The following TRPV4 variants were observed in gnomAD, a reference collection of about 807,000 sequenced individuals.
TRPV4 encodes the protein OSM9-like transient receptor potential channel 4.
In TRPV4, 58 loss-of-function variants were observed where a neutral mutation model predicts 84.1. That is an observed-to-expected ratio of 0.69 (90% CI 0.56 to 0.86). The LOEUF is 0.86. Among genes scored for constraint, TRPV4 ranks in the 40% least tolerant of loss-of-function variants. The pLI is 0.00. For missense variants in TRPV4, 879 were observed against 1,181.1 expected (o/e 0.74, Z 3.75); for synonymous variants, 489 against 500.9 (o/e 0.98, Z 0.32).
intron 7 of TRPV4, 24 bp from the exon 8 acceptor site, chr12:109,794,511 G>A (rs1427810361): frequency 1.2e-6 from 2 of 1,613,182 alleles, no homozygotes; most frequent in South Asian, 1.1e-5. Context: ...GGTGGTCGGG[G>A]GCTGCCTTCC....
intron 4 of TRPV4, 22 bp from the exon 5 acceptor site, chr12:109,800,780 C>T: frequency 6.2e-7 from 1 of 1,611,772 alleles, no homozygotes; most frequent in Non-Finnish European, 8.5e-7. Context: ...GGACGGTCAT[C>T]CAGGGTCCTG....
chr12:109,813,272 G>C, intron 2 of TRPV4, among the ~76,000 whole-genome samples: 1 of 152,176 alleles, frequency 6.6e-6, no homozygotes, highest in East Asian at 1.9e-4. Flanking sequence ...AATTAGCTGG[G>C]TGTGGTGGCG....
chr12:109,819,924 C>G (rs1475043015), intron 1 of TRPV4, among the ~76,000 whole-genome samples: 1 of 152,140 alleles, frequency 6.6e-6, no homozygotes, highest in Non-Finnish European at 1.5e-5. Flanking sequence ...GGTTTATATT[C>G]AAACTCTTCT....
Position 109,792,700 on chromosome 12 carries a change from G to A in TRPV4, c.1776C>T (p.Phe592=), listed in dbSNP as rs370454737. 2.5e-6 allele frequency: 4 copies of A among 1,614,074 alleles called. No homozygotes were observed. In the African/African-American group the frequency reaches 4.0e-5, roughly 16 times the overall value. The change falls in exon 11 of 16, where the codon TTC becomes TTT. Residue 592 remains phenylalanine, a synonymous_variant. Coordinates refer to ENST00000261740, the MANE Select transcript of TRPV4 (RefSeq NM_021625.5). The stretch of plus-strand genomic sequence containing the variant: ...TCCCCGTCAGCTTCAGCCCACGGGT[G>A]AAGTAAAGGGCATTCATCCAGCCCA... ...LVLGWMNALY[F]TRGLKLTGTY... is the part of the protein sequence containing the mutation.
intron 1 of TRPV4, among the ~76,000 whole-genome samples, chr12:109,816,845 G>A (rs548307067): frequency 8.5e-5 from 13 of 152,310 alleles, no homozygotes; most frequent in African/African-American, 2.9e-4. Flanking sequence ...TAAATAGAGT[G>A]GGACTTTCAG....
intron 1 of TRPV4, among the ~76,000 whole-genome samples, chr12:109,825,713 T>C (rs1892234393): frequency 1.3e-5 from 2 of 152,092 alleles, no homozygotes; most frequent in Admixed American, 1.3e-4. Flanking sequence ...GACAGGACAC[T>C]CGTCCATGCA....
chr12:109,794,322 C>T lies in TRPV4; in HGVS notation c.1491+7G>A. 1 of 1,611,398 alleles carries T rather than the reference C, an allele frequency of 6.2e-7. No individual in the cohort carries two copies. Among genetic ancestry groups the T allele is most frequent in the Non-Finnish European group, 8.5e-7 (1 of 1,180,002 alleles). The stretch of plus-strand genomic sequence containing the variant: ...CCCCAGCCCCTGCCCGGTCCCCGGG[C>T]ACTCACTGTGCCCTCCAGCGGCTGG... On this transcript the variant is annotated splice_region_variant and intron_variant, in intron 8 of 15. Coordinates refer to ENST00000261740, the MANE Select transcript of TRPV4 (RefSeq NM_021625.5).
At chr12:109,816,262 G>C (rs1464527618) in intron 1 of TRPV4, among the ~76,000 whole-genome samples, 2 of 152,202 alleles carry the variant, frequency 1.3e-5, no homozygotes, top group African/African-American at 4.8e-5. Flanking sequence ...CTTCCCTTTG[G>C]ACACCAAAAG....
chr12:109,808,411 G>A lies in TRPV4; in HGVS notation c.444C>T (p.Val148=), dbSNP rs2136608576. 1 of 1,614,192 alleles carries A rather than the reference G, an allele frequency of 6.2e-7. No homozygotes were observed. The highest frequency in any genetic ancestry group is 1.7e-5 in the Admixed American group (1 of 60,030). The change falls in exon 3 of 16, where the codon GTC becomes GTT. Residue 148 remains valine (V), a synonymous_variant. Coordinates refer to ENST00000261740, the MANE Select transcript of TRPV4 (RefSeq NM_021625.5). The stretch of plus-strand genomic sequence containing the variant: ...TGTCAAAGAGGATAGGCCGGTTGAA[G>A]ACTTTGAGGATGGGGGGCGGCTGAG... ...PAPQPPPILK[V]FNRPILFDIV...
rs1424097684 is a variant in TRPV4 at position 109,786,541 on chromosome 12, T to C, written c.2336+169A>G. On this transcript the variant is annotated intron_variant, in intron 14 of 15. Transcript: ENST00000261740. This position sits in a 1 kb window ranked among gnomAD's most constrained non-coding sequence, Gnocchi z 4.5. ...ATGAAGAAACTGAGGCTGAGAGAGG[T>C]GGGCTGACTTGCCTGAGATCGCCTG... Among the ~76,000 whole-genome samples, 3 of 152,000 alleles carry C rather than the reference T, an allele frequency of 2.0e-5. No individual in the cohort carries two copies. The highest frequency in any genetic ancestry group is 6.6e-5 in the Admixed American group (1 of 15,266).
chr12:109,824,850 A>G (rs1008971092), intron 1 of TRPV4, among the ~76,000 whole-genome samples: 7 of 152,214 alleles, frequency 4.6e-5, no homozygotes, highest in Non-Finnish European at 7.3e-5. Flanking sequence ...AGGATTCTAT[A>G]GTCTGAGAAC....
intron 14 of TRPV4, among the ~76,000 whole-genome samples, chr12:109,784,778 T>C (rs1889574925): frequency 6.7e-6 from 1 of 148,456 alleles, no homozygotes; most frequent in Admixed American, 6.8e-5. Context: ...TGGGAGGCAG[T>C]TGCAGTGAGC....
chr12:109,816,649 G>A (rs1413203333), intron 1 of TRPV4, among the ~76,000 whole-genome samples: 3 of 152,134 alleles, frequency 2.0e-5, no homozygotes, highest in East Asian at 1.9e-4. Flanking sequence ...GTGGTGGCAC[G>A]TGACTGTAGT....
chr12:109,785,417 C>T (rs1300448730), intron 14 of TRPV4, among the ~76,000 whole-genome samples: 1 of 150,646 alleles, frequency 6.6e-6, no homozygotes, highest in Admixed American at 6.6e-5. Flanking sequence ...CCTATCTATT[C>T]ATTTTTGTTT....
intron 1 of TRPV4, among the ~76,000 whole-genome samples, chr12:109,820,512 C>T (rs1163557574): frequency 9.7e-6 from 1 of 103,578 alleles, no homozygotes; most frequent in East Asian, 7.2e-4. Context: ...TCTTCAGCTG[C>T]CCTATTTTTT....
At position 109,816,994 on chromosome 12, in the gene TRPV4, G is replaced by A. The variant is rs571147610; in HGVS notation, c.-31-2167C>T. ...TGTCTGCCCCGTGGTTTTCCCACCT[G>A]TAAGACTGGAGTGACCACGCCTCCT... On this transcript the variant is annotated intron_variant, in intron 1 of 15. Transcript: ENST00000261740. Among the ~76,000 whole-genome samples the A allele has an allele frequency of 2.0e-5, 3 of 152,310 alleles. No individual in the cohort carries two copies. In the South Asian group the frequency reaches 6.2e-4, roughly 32 times the overall value.
chr12:109,810,489 C>G (rs1055739964), intron 2 of TRPV4, among the ~76,000 whole-genome samples: 6 of 152,294 alleles, frequency 3.9e-5, no homozygotes, highest in Middle Eastern at 3.4e-3. Context: ...TGGCATCTGG[C>G]TGTACCCAGC....
chr12:109,789,232 G>A (rs1889888398), intron 12 of TRPV4, among the ~76,000 whole-genome samples: 1 of 152,154 alleles, frequency 6.6e-6, no homozygotes, highest in African/African-American at 2.4e-5. Context: ...TACAACTGGG[G>A]GTGGGGGTGC....
chr12:109,832,927 C>T (rs1000648757), intron 1 of TRPV4, among the ~76,000 whole-genome samples: 3 of 150,684 alleles, frequency 2.0e-5, no homozygotes, highest in African/African-American at 7.3e-5. Flanking sequence ...AAGAAGAAGC[C>T]TTTGGAAGCT....
Sources: gnomAD v4.1 joint callset for allele counts (sites outside exome capture counted in the v4.1 genomes callset) on GRCh38, gnomAD v4.1.1 for gene constraint, Gnocchi (gnomAD v3.1) non-coding constraint, MANE v1.5 for transcripts, NCBI Gene and HGNC (gene_info 2026-07-23, HGNC 2026-07-21) for gene names.